The following MINDY2 variants were observed in gnomAD, a reference collection of about 807,000 sequenced individuals.
MINDY2 encodes the protein MINDY lysine 48 deubiquitinase 2.
Under a neutral mutation model 68.2 loss-of-function variants are expected in MINDY2, and 52 were observed. The ratio of observed to expected loss-of-function variants is 0.76; its 90% CI spans 0.61 to 0.96. MINDY2 has a LOEUF of 0.96. MINDY2 is among the 40% of genes least tolerant of loss of function. The pLI, the probability that MINDY2 is intolerant of heterozygous loss-of-function variation, is 0.00. For missense variants in MINDY2, 881 were observed against 773.4 expected (o/e 1.14, Z -1.65); for synonymous variants, 372 against 303.0 (o/e 1.23, Z -2.36).
chr15:58,815,018 C>T (rs748181683), intron 4 of MINDY2, among the ~76,000 whole-genome samples: 3 of 151,982 alleles, frequency 2.0e-5, no homozygotes, highest in Non-Finnish European at 2.9e-5. Flanking sequence ...AGGGCTTTGC[C>T]TAACCAAAAA....
intron 1 of MINDY2, among the ~76,000 whole-genome samples, chr15:58,785,298 A>C (rs1190623854): frequency 6.6e-6 from 1 of 152,170 alleles, no homozygotes; most frequent in African/African-American, 2.4e-5. Context: ...TGATTCAGGA[A>C]ATGAATATAC....
At chr15:58,839,897 A>G (rs1426330763) in intron 6 of MINDY2, among the ~76,000 whole-genome samples, 3 of 150,558 alleles carry the variant, frequency 2.0e-5, no homozygotes, top group East Asian at 2.0e-4. Context: ...CAGTGGAGCA[A>G]TCTCAGCTCA....
chr15:58,833,265 T>C (rs1423479843), intron 6 of MINDY2, among the ~76,000 whole-genome samples: 1 of 152,170 alleles, frequency 6.6e-6, no homozygotes, highest in African/African-American at 2.4e-5. Flanking sequence ...TCAGCCAAAA[T>C]GGTGTCTATT....
intron 5 of MINDY2, among the ~76,000 whole-genome samples, chr15:58,828,005 G>C (rs370234869): frequency 6.6e-6 from 1 of 151,834 alleles, no homozygotes; most frequent in African/African-American, 2.4e-5. Context: ...GGCCGAGGTG[G>C]GTGGATCACC....
intron 2 of MINDY2, among the ~76,000 whole-genome samples, chr15:58,801,223 C>G (rs1327654443): frequency 1.3e-5 from 2 of 151,720 alleles, no homozygotes; most frequent in African/African-American, 4.8e-5. Flanking sequence ...ATCCACCCTC[C>G]TCGGCCTCCC....
At chr15:58,778,574 A>G (rs1900922560) in intron 1 of MINDY2, among the ~76,000 whole-genome samples, 1 of 151,384 alleles carries the variant, frequency 6.6e-6, no homozygotes, top group Admixed American at 6.6e-5. Context: ...AAATCAAAAC[A>G]CACTAAAAAC....
chr15:58,833,102 T>G (rs2031821363), intron 6 of MINDY2, among the ~76,000 whole-genome samples: 2 of 152,234 alleles, frequency 1.3e-5, no homozygotes, highest in South Asian at 4.1e-4. Context: ...AGCTGTCACT[T>G]AGTTCAGAAG....
intron 5 of MINDY2, among the ~76,000 whole-genome samples, chr15:58,830,203 T>C (rs1245949467): frequency 6.6e-6 from 1 of 152,244 alleles, no homozygotes; most frequent in Non-Finnish European, 1.5e-5. Context: ...GCTGAACCAC[T>C]GTCCCTAGGA....
At chr15:58,793,965 T>C (rs952628482) in intron 2 of MINDY2, among the ~76,000 whole-genome samples, 1 of 152,178 alleles carries the variant, frequency 6.6e-6, no homozygotes, top group African/African-American at 2.4e-5. Context: ...TTATGTTTTC[T>C]CAGTCACGTT....
At position 58,840,730 on chromosome 15, in the gene MINDY2, C is replaced by T. The variant is rs1683587838; in HGVS notation, c.1369-6567C>T. ...GGAGTGCAGTGGTGTGATCTCGGCTCAGTGCAAGCTCCGCCTCCCAGGTTC... is the reference window on the plus strand; with the variant it reads ...GGAGTGCAGTGGTGTGATCTCGGCTTAGTGCAAGCTCCGCCTCCCAGGTTC... On this transcript the variant is annotated intron_variant, in intron 6 of 8. Transcript: ENST00000559228. Among the ~76,000 whole-genome samples, 4 of 148,264 alleles carry T rather than the reference C, an allele frequency of 2.7e-5. No homozygotes were observed. In the Admixed American group the frequency reaches 2.7e-4, roughly 10 times the overall value.
chr15:58,820,953 A>G (rs1381771520), intron 4 of MINDY2, among the ~76,000 whole-genome samples: 4 of 150,784 alleles, frequency 2.7e-5, no homozygotes, highest in African/African-American at 9.7e-5. Context: ...ATAAATAAAT[A>G]TAAATATATT....
rs1021002324 is a variant in MINDY2, at chr15:58,860,839, T to C, written c.*6229T>C. The C allele has an allele frequency of 5.3e-5, 8 of 152,234 alleles. No homozygotes were observed. Among genetic ancestry groups the C allele is most frequent in the South Asian group, 2.1e-4 (1 of 4,834 alleles). 9.4% of individuals were successfully genotyped at this position (152,234 alleles called of 1,614,324 possible). A position where few individuals can be genotyped will look rare whatever the true frequency, so the allele number is the denominator to read the frequency against. On this transcript the variant is annotated 3_prime_UTR_variant, in exon 9 of 9. Coordinates refer to ENST00000559228, the MANE Select transcript of MINDY2 (RefSeq NM_001040450.3). ...AATTTTTATTATTGTTTTTCACATA[T>C]GTGAAATAAGCAGTTTTTTCAGGGT...
intron 1 of MINDY2, among the ~76,000 whole-genome samples, chr15:58,779,799 C>T (rs1299583655): frequency 2.0e-5 from 3 of 152,060 alleles, no homozygotes; most frequent in South Asian, 2.1e-4. Flanking sequence ...GTATAAATAC[C>T]GCCAGTAGGA....
intron 1 of MINDY2, among the ~76,000 whole-genome samples, chr15:58,785,585 G>A (rs1483235572): frequency 4.6e-5 from 7 of 152,188 alleles, no homozygotes; most frequent in East Asian, 3.9e-4. Context: ...GTAATTTGCC[G>A]GAGTTTCAGT....
intron 6 of MINDY2, among the ~76,000 whole-genome samples, chr15:58,835,099 T>G (rs2031930076): frequency 6.6e-6 from 1 of 152,236 alleles, no homozygotes; most frequent in Non-Finnish European, 1.5e-5. Flanking sequence ...CATGTCTGGG[T>G]GCTCACTAGT....
chr15:58,831,870 G>GT lies in MINDY2; in HGVS notation c.1323dup (p.Val442CysfsTer6), dbSNP rs1178481917. The stretch of plus-strand genomic sequence containing the variant: ...TCAACGGTTCAGGAAGGAGAACTTT[G>GT]TGTGTTCTTTCGGAATAATCATTTT... On this transcript the variant is annotated frameshift_variant, in exon 6 of 9. Coordinates refer to ENST00000559228, the MANE Select transcript of MINDY2 (RefSeq NM_001040450.3). LOFTEE classifies it high-confidence loss of function. The GT allele has an allele frequency of 6.2e-7, 1 of 1,613,544 alleles. No individual in the cohort carries two copies. The highest frequency in any genetic ancestry group is 8.5e-7 in the Non-Finnish European group (1 of 1,179,816).
At chr15:58,832,174 T>G (rs1186043685) in intron 6 of MINDY2, among the ~76,000 whole-genome samples, 1 of 152,154 alleles carries the variant, frequency 6.6e-6, no homozygotes, top group South Asian at 2.1e-4. Context: ...ATTTTATTAT[T>G]TTCTTTCTGA....
intron 4 of MINDY2, chr15:58,815,245 T>G (rs889056665): frequency 2.0e-5 from 3 of 152,152 alleles, no homozygotes; most frequent in African/African-American, 7.2e-5. Context: ...ATGAACTTTG[T>G]AAAATAAATC....
chr15:58,795,152 G>A (rs1902198467), intron 2 of MINDY2, among the ~76,000 whole-genome samples: 1 of 151,336 alleles, frequency 6.6e-6, no homozygotes, highest in Non-Finnish European at 1.5e-5. Context: ...CTCCAGCCTG[G>A]GCACCAGAGC....
Sources: allele counts gnomAD v4.1 joint callset (sites outside exome capture counted in the v4.1 genomes callset), GRCh38; gene constraint gnomAD v4.1.1; transcripts MANE v1.5; gene names NCBI Gene and HGNC (gene_info 2026-07-23, HGNC 2026-07-21).